Variants in TECRL observed in about 807,000 individuals in gnomAD.
TECRL encodes trans-2,3-enoyl-CoA reductase-like.
Under a neutral mutation model 52.8 loss-of-function variants are expected in TECRL, and 63 were observed. The ratio of observed to expected loss-of-function variants is 1.19; its 90% CI spans 0.97 to 1.47. The LOEUF (loss-of-function observed/expected upper bound fraction) is 1.47. Among genes scored for constraint, TECRL ranks in the 40% most tolerant of loss-of-function variants. The probability of loss-of-function intolerance (pLI) is 0.00; values close to 1 mark genes in which losing one functional copy is unlikely to be tolerated. For synonymous variants in TECRL, 164 were observed against 141.9 expected, an observed-to-expected ratio of 1.16 and a Z score of -1.10; for missense variants, 482 against 429.6, an observed-to-expected ratio of 1.12 and a Z score of -1.08.
chr4:64,375,058 T>C (rs1722299295), intron 2 of TECRL, 114 bp downstream of exon 2: 1 of 424,512 alleles, frequency 2.4e-6, no homozygotes. Context: ...CCTGAGCTCC[T>C]TGTAGAACTA....
chr4:64,367,785 A>T (rs1227257354), intron 2 of TECRL, among the ~76,000 whole-genome samples: 1 of 152,070 alleles, frequency 6.6e-6, no homozygotes, highest in Non-Finnish European at 1.5e-5. Context: ...AATTTTTAAA[A>T]TTTTTTCAGT....
At chr4:64,391,780 C>T (rs1206663215) in intron 1 of TECRL, among the ~76,000 whole-genome samples, 1 of 151,670 alleles carries the variant, frequency 6.6e-6, no homozygotes, top group East Asian at 1.9e-4. Context: ...ATATGCCTCC[C>T]ATTTTTAAAT....
chr4:64,278,291 C>A lies in TECRL; in HGVS notation c.*1781G>T, dbSNP rs984954824. The A allele has an allele frequency of 1.3e-5, 2 of 154,932 alleles. No homozygotes were observed. Among genetic ancestry groups the A allele is most frequent in the Admixed American group, 6.6e-5 (1 of 15,214 alleles). The allele number at this position is 154,932 out of a possible 1,614,324, so 9.6% of individuals were successfully genotyped here. A position where few individuals can be genotyped will look rare whatever the true frequency, so the allele number is the denominator to read the frequency against. On this transcript the variant is annotated 3_prime_UTR_variant, in exon 12 of 12. Transcript: ENST00000381210. ...TACACAACTAAATAAAAATGTTACA[C>A]TTTTAATATAGCTATAATTTCCGCA... is the stretch of plus-strand genomic sequence containing the variant.
chr4:64,322,172 C>T (rs1299674424), intron 4 of TECRL, among the ~76,000 whole-genome samples: 2 of 152,094 alleles, frequency 1.3e-5, no homozygotes, highest in Non-Finnish European at 2.9e-5. Context: ...CATCAGATCA[C>T]CCCACCAGAT....
At chr4:64,368,946 A>T (rs1449861539) in intron 2 of TECRL, among the ~76,000 whole-genome samples, 1 of 152,120 alleles carries the variant, frequency 6.6e-6, no homozygotes, top group Non-Finnish European at 1.5e-5. Context: ...AACTGTCACA[A>T]TAAATTATAT....
intron 6 of TECRL, 44 bp from the exon 7 acceptor site, chr4:64,305,282 A>C (rs1303732418): frequency 6.5e-7 from 1 of 1,531,226 alleles, no homozygotes; most frequent in South Asian, 1.1e-5. Flanking sequence ...AAAAATATGT[A>C]ATATATATTT....
At chr4:64,287,538 C>G (rs1283080362) in intron 9 of TECRL, among the ~76,000 whole-genome samples, 1 of 151,984 alleles carries the variant, frequency 6.6e-6, no homozygotes. Context: ...TTGGGAATCC[C>G]TACATGTAAT....
At chr4:64,406,182 A>G (rs796829165) in intron 1 of TECRL, among the ~76,000 whole-genome samples, 38 of 96,348 alleles carry the variant, frequency 3.9e-4, no homozygotes, top group Non-Finnish European at 3.7e-4. Context: ...GTGTGTGTGT[A>G]TGTGTGTAAT....
chr4:64,277,395 G>T (rs1722609949), downstream of TECRL, among the ~76,000 whole-genome samples: 1 of 151,880 alleles, frequency 6.6e-6, no homozygotes, highest in Non-Finnish European at 1.5e-5. Context: ...ATGATTTACT[G>T]CATTGACATT....
At chr4:64,314,576 TC>T (rs1409377164) in intron 5 of TECRL, 71 bp downstream of exon 5, 1 of 1,150,550 alleles carries the variant, frequency 8.7e-7, no homozygotes, top group Non-Finnish European at 1.3e-6. Flanking sequence ...GTTCATCCCC[TC>T]CTTAACGTGT....
At chr4:64,341,978 C>A (rs75953417) in intron 2 of TECRL, among the ~76,000 whole-genome samples, 11 of 152,128 alleles carry the variant, frequency 7.2e-5, no homozygotes, top group Non-Finnish European at 1.5e-4. Context: ...AGTTTCCCTT[C>A]GAGGTGTGGG....
intron 5 of TECRL, among the ~76,000 whole-genome samples, chr4:64,311,118 G>A (rs529453202): frequency 1.3e-5 from 2 of 152,250 alleles, no homozygotes; most frequent in Non-Finnish European, 2.9e-5. Context: ...TTATACGTTT[G>A]GGAGTTGATT....
At chr4:64,336,632 C>T (rs1179705365) in intron 2 of TECRL, among the ~76,000 whole-genome samples, 1 of 152,288 alleles carries the variant, frequency 6.6e-6, no homozygotes, top group African/African-American at 2.4e-5. Flanking sequence ...CCCGCTTTCT[C>T]TTGTGGGCAT....
intron 9 of TECRL, among the ~76,000 whole-genome samples, chr4:64,284,032 C>T (rs1261065882): frequency 6.6e-6 from 1 of 151,978 alleles, no homozygotes; most frequent in East Asian, 1.9e-4. Context: ...AGCTGCAGAA[C>T]CTACCCAGCA....
intron 7 of TECRL, among the ~76,000 whole-genome samples, chr4:64,301,208 T>A (rs1164865033): frequency 1.3e-5 from 2 of 151,002 alleles, no homozygotes; most frequent in African/African-American, 4.8e-5. Context: ...TAAAATCTCA[T>A]CAACCTTAGA....
chr4:64,390,802 A>G lies in TECRL; in HGVS notation c.235-15579T>C, dbSNP rs372123760. ...GATTTCAAAAATTTAGAGCACTTCA[A>G]ATTTTGAAGTGATGGTCATATACTT... On this transcript the variant is annotated intron_variant, in intron 1 of 11. Coordinates refer to ENST00000381210, the MANE Select transcript of TECRL (RefSeq NM_001010874.5). Among the ~76,000 whole-genome samples the G allele has an allele frequency of 6.6e-5, 10 of 151,976 alleles. No individual in the cohort carries two copies. The South Asian group carries it at 2.1e-3, about 32-fold the overall frequency.
At chr4:64,383,363 T>C (rs1030325362) in intron 1 of TECRL, among the ~76,000 whole-genome samples, 2 of 152,162 alleles carry the variant, frequency 1.3e-5, no homozygotes, top group African/African-American at 4.8e-5. Context: ...CTATGCTTTT[T>C]TTTGTCTCCC....
At chr4:64,332,726 T>C (rs191665453) in intron 2 of TECRL, among the ~76,000 whole-genome samples, 2 of 152,236 alleles carry the variant, frequency 1.3e-5, no homozygotes, top group African/African-American at 4.8e-5. Context: ...AGTGGGTTTA[T>C]GAGATATCAT....
intron 7 of TECRL, among the ~76,000 whole-genome samples, chr4:64,301,079 A>G (rs1723992438): frequency 6.6e-6 from 1 of 150,900 alleles, no homozygotes; most frequent in East Asian, 1.9e-4. Flanking sequence ...TACAAACCAT[A>G]TGTACATGAA....
Sources: gnomAD v4.1 joint callset for allele counts (sites outside exome capture counted in the v4.1 genomes callset) on GRCh38, gnomAD v4.1.1 for gene constraint, MANE v1.5 for transcripts, NCBI Gene and HGNC (gene_info 2026-07-23, HGNC 2026-07-21) for gene names.